Variants in NEIL3 observed in about 807,000 individuals in gnomAD.
NEIL3 encodes nei like DNA glycosylase 3, also known as endonuclease 8-like 3.
NEIL3 carries 48 observed loss-of-function variants against 57.5 expected under a neutral mutation model. That is an observed-to-expected ratio of 0.83 (90% confidence interval 0.66 to 1.06). The LOEUF (loss-of-function observed/expected upper bound fraction) is 1.06, where lower values mean the gene tolerates loss of function less well. NEIL3 is among the 50% of genes least tolerant of loss of function. The pLI, the probability that NEIL3 is intolerant of heterozygous loss-of-function variation, is 0.00. For synonymous variants in NEIL3, 261 were observed against 253.2 expected (o/e 1.03, Z -0.29); for missense variants, 717 against 739.1 (o/e 0.97, Z 0.35).
At chr4:177,369,908 C>A in the NEIL3 span, among the ~76,000 whole-genome samples, 8 of 152,118 alleles carry the variant, frequency 5.3e-5, no homozygotes, top group Non-Finnish European at 1.2e-4. Context: ...ATTTTATTAT[C>A]TTTATCAGTA....
At chr4:177,325,173 A>C (rs761110197) in intron 2 of NEIL3, among the ~76,000 whole-genome samples, 7 of 152,154 alleles carry the variant, frequency 4.6e-5, no homozygotes, top group Admixed American at 2.6e-4. Context: ...TATGAACCTC[A>C]AACCAGTTAT....
At chr4:177,348,174 C>A (rs1357646565) in intron 6 of NEIL3, among the ~76,000 whole-genome samples, 1 of 152,174 alleles carries the variant, frequency 6.6e-6, no homozygotes, top group African/African-American at 2.4e-5. Flanking sequence ...TTGCCGGGCC[C>A]CACCCCTAGA....
At chr4:177,328,631 G>A (rs1036647027) in intron 2 of NEIL3, among the ~76,000 whole-genome samples, 2 of 152,058 alleles carry the variant, frequency 1.3e-5, no homozygotes, top group African/African-American at 4.8e-5. Flanking sequence ...TCGAAAAAAA[G>A]AAGCTAAGAG....
chr4:177,363,852 G>A (rs1735655237), downstream of NEIL3, among the ~76,000 whole-genome samples: 1 of 152,116 alleles, frequency 6.6e-6, no homozygotes, highest in Non-Finnish European at 1.5e-5. Flanking sequence ...TCGGACTCAA[G>A]CGATCCCCTA....
intron 4 of NEIL3, among the ~76,000 whole-genome samples, chr4:177,337,976 G>A (rs1322344386): frequency 1.3e-5 from 2 of 151,960 alleles, no homozygotes; most frequent in African/African-American, 4.8e-5. Context: ...CAGAGATCAC[G>A]CCACTGCACT....
chr4:177,345,542 C>T (rs1735201451), intron 6 of NEIL3, among the ~76,000 whole-genome samples: 1 of 151,696 alleles, frequency 6.6e-6, no homozygotes, highest in South Asian at 2.1e-4. Flanking sequence ...CATATGTATA[C>T]ATGAGATGTT....
chr4:177,369,378 T>C, the NEIL3 span, among the ~76,000 whole-genome samples: 1 of 152,180 alleles, frequency 6.6e-6, no homozygotes. Flanking sequence ...TCATAGGGTA[T>C]GTGAAGGAAA....
chr4:177,316,443 A>G (rs867309687), intron 1 of NEIL3, among the ~76,000 whole-genome samples: 136 of 152,178 alleles, frequency 8.9e-4, no homozygotes, highest in Middle Eastern at 3.4e-3. Context: ...AGTAGTCATG[A>G]GGATTTGGTC....
intron 4 of NEIL3, among the ~76,000 whole-genome samples, chr4:177,337,118 C>T (rs1578996275): frequency 1.3e-5 from 2 of 149,768 alleles, no homozygotes; most frequent in South Asian, 2.1e-4. Flanking sequence ...GGTTAAAGGG[C>T]AGAGGTTAAA....
chr4:177,313,469 G>A (rs1351431844), intron 1 of NEIL3, among the ~76,000 whole-genome samples: 2 of 152,136 alleles, frequency 1.3e-5, no homozygotes, highest in African/African-American at 4.8e-5. Context: ...GCATAAAATT[G>A]TGCAACAGTA....
downstream of NEIL3, chr4:177,363,071 C>A (rs2110947922): frequency 6.6e-6 from 1 of 152,266 alleles, no homozygotes; most frequent in African/African-American, 2.4e-5. Flanking sequence ...ATAAAAGTAA[C>A]ATTTAAGAAA....
downstream of NEIL3, among the ~76,000 whole-genome samples, chr4:177,366,860 A>G (rs1297330681): frequency 2.0e-5 from 3 of 152,106 alleles, no homozygotes; most frequent in African/African-American, 7.2e-5. Context: ...TTTTGGACCA[A>G]TTGAGTAAAT....
chr4:177,328,434 T>C lies in NEIL3; in HGVS notation c.278+5854T>C, dbSNP rs1221757386. Among the ~76,000 whole-genome samples, 5 of 152,098 alleles carry C rather than the reference T, an allele frequency of 3.3e-5. No individual in the cohort carries two copies. The East Asian group carries it at 9.6e-4, about 29-fold the overall frequency. On this transcript the variant is annotated intron_variant, in intron 2 of 9. Coordinates refer to ENST00000264596, the MANE Select transcript of NEIL3 (RefSeq NM_018248.3). ...CTAAAAACCAAAGATGAAGAGAAAG[T>C]GCTGGAAGCAGAGAAAAAGAAACAT... is the stretch of plus-strand genomic sequence containing the variant.
At chr4:177,323,709 G>C (rs1247175638) in intron 2 of NEIL3, among the ~76,000 whole-genome samples, 1 of 152,158 alleles carries the variant, frequency 6.6e-6, no homozygotes, top group Non-Finnish European at 1.5e-5. Context: ...AGTACACAAT[G>C]GGATCTATGC....
chr4:177,319,304 G>A (rs977580122), intron 1 of NEIL3, among the ~76,000 whole-genome samples: 11 of 152,156 alleles, frequency 7.2e-5, no homozygotes, highest in African/African-American at 2.2e-4. Context: ...GTGAGTGCAG[G>A]CCAGTCAGAT....
At chr4:177,348,426 A>G (rs1471633540) in intron 6 of NEIL3, among the ~76,000 whole-genome samples, 1 of 152,098 alleles carries the variant, frequency 6.6e-6, no homozygotes, top group African/African-American at 2.4e-5. Context: ...ACGATGCAGT[A>G]TCTTTTGTTC....
intron 8 of NEIL3, among the ~76,000 whole-genome samples, chr4:177,356,211 G>A (rs905084590): frequency 6.6e-6 from 1 of 152,008 alleles, no homozygotes; most frequent in Non-Finnish European, 1.5e-5. Context: ...ATGCTTTGTA[G>A]AAAATCTCAG....
intron 1 of NEIL3, among the ~76,000 whole-genome samples, chr4:177,312,232 T>A (rs187827800): frequency 3.0e-4 from 46 of 152,250 alleles, no homozygotes; most frequent in African/African-American, 9.4e-4. Flanking sequence ...TTAAGTAAAT[T>A]TGCCCAAGAT....
chr4:177,315,740 G>T (rs1734561952), intron 1 of NEIL3, among the ~76,000 whole-genome samples: 1 of 152,148 alleles, frequency 6.6e-6, no homozygotes, highest in African/African-American at 2.4e-5. Context: ...CCTTAAGATG[G>T]ATTTTTAAAA....
Sources: gnomAD v4.1 joint callset for allele counts (sites outside exome capture counted in the v4.1 genomes callset) on GRCh38, gnomAD v4.1.1 for gene constraint, MANE v1.5 for transcripts, NCBI Gene and HGNC (gene_info 2026-07-23, HGNC 2026-07-21) for gene names.